The following ECEL1 variants were observed in gnomAD, a reference collection of about 807,000 sequenced individuals.
The protein encoded by ECEL1 is endothelin converting enzyme like 1.
ECEL1 carries 87 observed loss-of-function variants against 101.8 expected under a neutral mutation model. The ratio of observed to expected loss-of-function variants is 0.85; its 90% CI spans 0.72 to 1.02. The LOEUF (loss-of-function observed/expected upper bound fraction) is 1.02. Ranked by LOEUF, ECEL1 falls within the 50% of genes least tolerant of loss-of-function variation. ECEL1 has a pLI of 0.00. For synonymous variants in ECEL1, 487 were observed against 468.7 expected (o/e 1.04, Z -0.50); for missense variants, 1,032 against 1,079.2 (o/e 0.96, Z 0.61).
intron 16 of ECEL1, 95 bp from the exon 17 acceptor site, chr2:232,480,570 C>T (rs1445700464): frequency 1.3e-6 from 2 of 1,536,332 alleles, no homozygotes; most frequent in Non-Finnish European, 8.9e-7. Flanking sequence ...GGTAGGCCCC[C>T]TCAGCACCAC....
intron 1 of ECEL1, among the ~76,000 whole-genome samples, 171 bp downstream of exon 1, chr2:232,487,548 G>A (rs1690764392): frequency 6.6e-6 from 1 of 151,914 alleles, no homozygotes; most frequent in Non-Finnish European, 1.5e-5. Context: ...GCGCCGTGCG[G>A]CGCAGTCCGC....
In ECEL1 at chr2:232,486,690, TG is replaced by T; in HGVS notation, c.-38del. 1 of 1,456,058 alleles carries T rather than the reference TG, an allele frequency of 6.9e-7. No individual in the cohort carries two copies. Among genetic ancestry groups the T allele is most frequent in the South Asian group, 1.4e-5 (1 of 71,938 alleles). 90.2% of individuals were successfully genotyped at this position (1,456,058 alleles called of 1,614,324 possible). ...CGCCGCGGTGCAGACCTGGGCCACC[TG>T]GGCTACGGGATGCGCGTGGCCGCCG... is the stretch of plus-strand genomic sequence containing the variant. On this transcript the variant is annotated 5_prime_UTR_variant, in exon 2 of 18. Transcript: ENST00000304546.
In ECEL1 at chr2:232,481,087, T is replaced by C; in HGVS notation, c.2055+4A>G. 1 of 1,557,776 alleles carries C rather than the reference T, an allele frequency of 6.4e-7. No individual in the cohort carries two copies. The highest frequency in any genetic ancestry group is 8.7e-7 in the Non-Finnish European group (1 of 1,150,934). On this transcript the variant is annotated splice_donor_region_variant and intron_variant, in intron 15 of 17. Coordinates refer to ENST00000304546, the MANE Select transcript of ECEL1 (RefSeq NM_004826.4). ...CAGGGGTGGAGCACAGGCAGGCCGCTCACGTGGTAGGCCAGCTTGAGGCCG... is the reference window on the plus strand; with the variant it reads ...CAGGGGTGGAGCACAGGCAGGCCGCCCACGTGGTAGGCCAGCTTGAGGCCG...
chr2:232,482,659 AC>A, intron 10 of ECEL1, 51 bp from the exon 11 acceptor site: 2 of 1,571,214 alleles, frequency 1.3e-6, no homozygotes, highest in Non-Finnish European at 1.7e-6. Context: ...CTCCCCCGCT[AC>A]CCTCACATCA....
intron 12 of ECEL1, among the ~76,000 whole-genome samples, chr2:232,482,099 A>G (rs943577977): frequency 5.3e-5 from 8 of 152,242 alleles, no homozygotes; most frequent in Non-Finnish European, 2.9e-5. Context: ...ACAGGGCTGG[A>G]GGAGACAGGA....
Position 232,481,074 on chromosome 2 carries a change from ACAGG to A in ECEL1, c.2055+13_2055+16del. 6.4e-7 allele frequency: 1 copy of A among 1,553,970 alleles called. No individual in the cohort carries two copies. Among genetic ancestry groups the A allele is most frequent in the East Asian group, 2.4e-5 (1 of 41,266 alleles). The stretch of plus-strand genomic sequence containing the variant: ...GTCCCTCCTGCAGCAGGGGTGGAGC[ACAGG>A]CAGGCCGCTCACGTGGTAGGCCAGC... On this transcript the variant is annotated intron_variant, in intron 15 of 17. Transcript: ENST00000304546.
In ECEL1 at chr2:232,480,417, T is replaced by C; in HGVS notation, c.2210A>G (p.His737Arg). 1 of 1,614,002 alleles carries C rather than the reference T, an allele frequency of 6.2e-7. No individual in the cohort carries two copies. Among genetic ancestry groups the C allele is most frequent in the Non-Finnish European group, 8.5e-7 (1 of 1,179,992 alleles). ...SIYLQVLTDK[H>R]APEHYRVLGS... ...GGCATACCTGTAGTGCTCAGGGGCA[T>C]GCTTGTCAGTCAGCACCTGCAGGTA... The change falls in exon 17 of 18, where the codon CAT becomes CGT. Residue 737 changes from histidine to arginine, a missense_variant. Coordinates refer to ENST00000304546, the MANE Select transcript of ECEL1 (RefSeq NM_004826.4).
intron 1 of ECEL1, among the ~76,000 whole-genome samples, chr2:232,487,147 CA>C (rs1690750457): frequency 2.0e-5 from 3 of 152,214 alleles, no homozygotes; most frequent in Admixed American, 2.0e-4. Context: ...GAGGTGCGGT[CA>C]GGGGCGCGTC....
At position 232,484,032 on chromosome 2, in the gene ECEL1, T is replaced by C. The variant is rs1204775189; in HGVS notation, c.1376A>G (p.His459Arg). ...TTTGCTGGCAGCTGAGAAGTGCTCA[T>C]GTACAAAGAGGGCGCCAAGCGCCAT... ...FGMALGALFV[H>R]EHFSAASKAK... The change falls in exon 7 of 18, where the codon CAT (histidine) becomes CGT (arginine). Residue 459 changes from histidine (H) to arginine (R), a missense_variant. Transcript: ENST00000304546. 1.9e-6 allele frequency: 3 copies of C among 1,610,916 alleles called. No homozygotes were observed. Among genetic ancestry groups the C allele is most frequent in the Non-Finnish European group, 2.5e-6 (3 of 1,177,662 alleles).
chr2:232,485,752 C>G (rs989042492), intron 2 of ECEL1, 116 bp downstream of exon 2: 1 of 1,338,762 alleles, frequency 7.5e-7, no homozygotes. Flanking sequence ...CTCTCCTGCT[C>G]GTCTCTTCCC....
At chr2:232,487,143 C>G (rs1690750224) in intron 1 of ECEL1, among the ~76,000 whole-genome samples, 1 of 152,192 alleles carries the variant, frequency 6.6e-6, no homozygotes, top group Non-Finnish European at 1.5e-5. Flanking sequence ...TGAGGAGGTG[C>G]GGTCAGGGGC....
chr2:232,481,713 C>T, intron 13 of ECEL1, 69 bp downstream of exon 13: 7 of 1,608,648 alleles, frequency 4.4e-6, no homozygotes, highest in Middle Eastern at 1.7e-4. Context: ...TAGGCCATCC[C>T]CTACCCTGCC....
rs1690655621 is a variant in ECEL1, at chr2:232,484,067, G to A, written c.1341C>T (p.Arg447=). Reference sequence around the variant, plus strand: ...GGGCGCCAAGCGCCATGCCAAAGTGGCGATTGGCCTGGCCCAAGCAGACCC... The same window carrying A: ...GGGCGCCAAGCGCCATGCCAAAGTGACGATTGGCCTGGCCCAAGCAGACCC... ...LARVCLGQAN[R]HFGMALGALF... is the part of the protein sequence containing the mutation. Residue 447 remains arginine, a synonymous_variant, in exon 7 of 18, where the codon CGC becomes CGT. Transcript: ENST00000304546. 4 of 1,612,770 alleles carry A rather than the reference G, an allele frequency of 2.5e-6. No homozygotes were observed. The highest frequency in any genetic ancestry group is 2.7e-5 in the African/African-American group (2 of 74,940).
chr2:232,481,288 G>T (rs989844578), intron 14 of ECEL1, 132 bp from the exon 15 acceptor site: 3 of 1,334,368 alleles, frequency 2.2e-6, no homozygotes, highest in South Asian at 1.4e-5. Flanking sequence ...TTGAGGGGGG[G>T]CTCCAACCCT....
Position 232,482,960 on chromosome 2 carries a change from G to T in ECEL1, c.1582-6C>A. Reference sequence around the variant, plus strand: ...GTCTTCTCATGGACCTCAAACTGCAGGAGGCACGGGCGACACTCAGCGGCA... The same window carrying T: ...GTCTTCTCATGGACCTCAAACTGCATGAGGCACGGGCGACACTCAGCGGCA... On this transcript the variant is annotated splice_region_variant and splice_polypyrimidine_tract_variant and intron_variant, in intron 9 of 17. Coordinates refer to ENST00000304546, the MANE Select transcript of ECEL1 (RefSeq NM_004826.4). The T allele has an allele frequency of 1.9e-6, 3 of 1,614,102 alleles. No homozygotes were observed. The highest frequency in any genetic ancestry group is 2.5e-6 in the Non-Finnish European group (3 of 1,180,026).
At position 232,485,028 on chromosome 2, in the gene ECEL1, C is replaced by T. The variant is rs1400225709; in HGVS notation, c.919G>A (p.Glu307Lys). 2.5e-6 allele frequency: 4 copies of T among 1,612,940 alleles called. No homozygotes were observed. The highest frequency in any genetic ancestry group is 1.7e-5 in the Admixed American group (1 of 60,034). The change falls in exon 4 of 18, where the codon GAA becomes AAA. Residue 307 changes from glutamate (E) to lysine (K), a missense_variant. Coordinates refer to ENST00000304546, the MANE Select transcript of ECEL1 (RefSeq NM_004826.4). ...TGCAGGATCTCTTGGGCCTTCTGTT[C>T]CACAGCGTCTGCACCCAGGAGGCTG... Reference protein sequence around the residue: ...VLSLLGADAVEQKAQEILQVE... With the variant: ...VLSLLGADAVKQKAQEILQVE...
chr2:232,483,412 T>A lies in ECEL1; in HGVS notation c.1506+4A>T, dbSNP rs766518409. ...CCAACCAATGACACTGGGTCCCCCC[T>A]CACCTTGGCCCGAGCAGCAGCCCTG... On this transcript the variant is annotated splice_donor_region_variant and intron_variant, in intron 8 of 17. Transcript: ENST00000304546. 1.9e-6 allele frequency: 3 copies of A among 1,602,060 alleles called. No homozygotes were observed. In the African/African-American group the frequency reaches 4.0e-5, roughly 22 times the overall value.
rs374914147 is a variant in ECEL1, at chr2:232,486,659, C to T, written c.-6G>A. 1 of 1,521,890 alleles carries T rather than the reference C, an allele frequency of 6.6e-7. No homozygotes were observed. Among genetic ancestry groups the T allele is most frequent in the Non-Finnish European group, 8.7e-7 (1 of 1,145,262 alleles). The allele number at this position is 1,521,890 out of a possible 1,614,324, so 94.3% of individuals were successfully genotyped here. On this transcript the variant is annotated 5_prime_UTR_variant, in exon 2 of 18. Transcript: ENST00000304546. ...AGCGAATACGGGGGCTCCATGGCGC[C>T]GAGGCCGCCGCGGTGCAGACCTGGG...
Position 232,482,627 on chromosome 2 carries a change from G to A in ECEL1, c.1686-19C>T, listed in dbSNP as rs371907969. ...CAGCCACCTGTGGAGGGATGCTGGG[G>A]TGAATGGGGGGAACACACTCCCTCC... On this transcript the variant is annotated intron_variant, in intron 10 of 17. Transcript: ENST00000304546. 6.2e-7 allele frequency: 1 copy of A among 1,602,724 alleles called. No homozygotes were observed. The highest frequency in any genetic ancestry group is 1.7e-5 in the Admixed American group (1 of 59,602).
Sources: gnomAD v4.1 joint callset for allele counts (sites outside exome capture counted in the v4.1 genomes callset) on GRCh38, gnomAD v4.1.1 for gene constraint, MANE v1.5 for transcripts, NCBI Gene and HGNC (gene_info 2026-07-23, HGNC 2026-07-21) for gene names.